PTPN9: variants seen among roughly 807,000 people sequenced by gnomAD.
PTPN9 encodes the protein tyrosine-protein phosphatase non-receptor type 9.
A neutral mutation model predicts 69.8 loss-of-function variants in PTPN9; 26 were observed. The ratio of observed to expected loss-of-function variants is 0.37; its 90% CI spans 0.27 to 0.52. The LOEUF (loss-of-function observed/expected upper bound fraction) is 0.52, where lower values mean the gene tolerates loss of function less well. Among genes scored for constraint, PTPN9 ranks in the 20% least tolerant of loss-of-function variants. The probability of loss-of-function intolerance (pLI) is 0.91; values close to 1 mark genes in which losing one functional copy is unlikely to be tolerated. For synonymous variants in PTPN9, 274 were observed against 272.5 expected, an observed-to-expected ratio of 1.01 and a Z score of -0.05; for missense variants, 549 against 740.3, an observed-to-expected ratio of 0.74 and a Z score of 3.00.
rs778312558 is a variant in PTPN9 at position 75,466,332 on chromosome 15, A to C, written c.*2437T>G. On this transcript the variant is annotated 3_prime_UTR_variant, in exon 13 of 13. Transcript: ENST00000618819. Reference sequence around the variant, plus strand: ...AAGAACACCCCAATATTTCCCAGCCACAACTGCCCCAACTGGGCAGGCCAT... The same window carrying C: ...AAGAACACCCCAATATTTCCCAGCCCCAACTGCCCCAACTGGGCAGGCCAT... 6.6e-6 allele frequency: 1 copy of C among 152,258 alleles called. No homozygotes were observed. Among genetic ancestry groups the C allele is most frequent in the African/African-American group, 2.4e-5 (1 of 41,456 alleles). The allele number at this position is 152,258 out of a possible 1,614,324, so 9.4% of individuals were successfully genotyped here.
intron 1 of PTPN9, among the ~76,000 whole-genome samples, chr15:75,560,236 A>G (rs1408476202): frequency 6.6e-6 from 1 of 152,208 alleles, no homozygotes. Context: ...AGTTTCCGGA[A>G]ATGTCTAATG....
At chr15:75,556,434 G>C (rs2075077735) in intron 1 of PTPN9, among the ~76,000 whole-genome samples, 1 of 151,548 alleles carries the variant, frequency 6.6e-6, no homozygotes, top group Admixed American at 6.6e-5. Flanking sequence ...CTGGAGCGTA[G>C]TGGCACAATC....
chr15:75,481,950 G>C (rs1359912993), intron 8 of PTPN9, among the ~76,000 whole-genome samples: 1 of 146,156 alleles, frequency 6.8e-6, no homozygotes, highest in Non-Finnish European at 1.5e-5. Flanking sequence ...ACCCCGTCTG[G>C]GAGGTGTGCC....
chr15:75,509,227 A>G (rs2074834465), intron 5 of PTPN9, among the ~76,000 whole-genome samples, 200 bp from the exon 6 acceptor site: 1 of 152,210 alleles, frequency 6.6e-6, no homozygotes, highest in African/African-American at 2.4e-5. Flanking sequence ...TAAAAATAAC[A>G]ATGTTAAGTT....
At chr15:75,504,720 G>C (rs1308500642) in intron 7 of PTPN9, among the ~76,000 whole-genome samples, 36 of 144,232 alleles carry the variant, frequency 2.5e-4, no homozygotes, top group African/African-American at 9.0e-4. Flanking sequence ...GGGAGGTGAG[G>C]GGCGCCTCTG....
At chr15:75,572,303 C>A (rs1472367941) in intron 1 of PTPN9, among the ~76,000 whole-genome samples, 2 of 151,634 alleles carry the variant, frequency 1.3e-5, no homozygotes, top group Non-Finnish European at 2.9e-5. Context: ...CTGCCCACAG[C>A]CTGGGCAACA....
chr15:75,528,239 C>T (rs1219840742), intron 1 of PTPN9, among the ~76,000 whole-genome samples: 1 of 151,966 alleles, frequency 6.6e-6, no homozygotes, highest in East Asian at 1.9e-4. Flanking sequence ...GGCAAGATGC[C>T]TGCTTCCAGA....
intron 7 of PTPN9, among the ~76,000 whole-genome samples, chr15:75,504,292 CG>C (rs2074799831): frequency 8.0e-6 from 1 of 125,724 alleles, no homozygotes; most frequent in East Asian, 2.6e-4. Context: ...CCGCCCCGTC[CG>C]GGAGGTGAGG....
intron 1 of PTPN9, among the ~76,000 whole-genome samples, chr15:75,576,242 G>T (rs1205264893): frequency 6.6e-6 from 1 of 150,844 alleles, no homozygotes; most frequent in Non-Finnish European, 1.5e-5. Context: ...AAACAAAAGG[G>T]TACTTCTGGC....
intron 5 of PTPN9, among the ~76,000 whole-genome samples, chr15:75,514,526 C>A (rs2074860061): frequency 6.6e-6 from 1 of 152,138 alleles, no homozygotes; most frequent in South Asian, 2.1e-4. Flanking sequence ...TTGCAGTGAG[C>A]CAAGATCGTG....
chr15:75,544,711 T>G (rs1436694750), intron 1 of PTPN9, among the ~76,000 whole-genome samples: 1 of 151,862 alleles, frequency 6.6e-6, no homozygotes, highest in Non-Finnish European at 1.5e-5. Flanking sequence ...AAAGAGTGAG[T>G]GAACCACACA....
At chr15:75,482,422 G>A (rs1421236865) in intron 8 of PTPN9, among the ~76,000 whole-genome samples, 4 of 152,020 alleles carry the variant, frequency 2.6e-5, no homozygotes, top group African/African-American at 9.7e-5. Flanking sequence ...AAGATTAGCC[G>A]GGCGTGGTGG....
Position 75,484,715 on chromosome 15 carries a change from A to G in PTPN9, c.1063-4801T>C, listed in dbSNP as rs78701064. ...TGAAGGGTTACAGAAGGACAAAAGA[A>G]AAGTTTCAATAGCAAACTAGGGAAA... On this transcript the variant is annotated intron_variant, in intron 8 of 12. Coordinates refer to ENST00000618819, the MANE Select transcript of PTPN9 (RefSeq NM_002833.4). Among the ~76,000 whole-genome samples, 834 of 152,320 alleles carry G rather than the reference A, an allele frequency of 5.5e-3. 9 individuals are homozygous for G. Among genetic ancestry groups the G allele is most frequent in the African/African-American group, 0.019 (788 of 41,574 alleles).
intron 1 of PTPN9, among the ~76,000 whole-genome samples, chr15:75,576,806 T>A (rs1287032080): frequency 1.3e-5 from 2 of 151,414 alleles, no homozygotes; most frequent in African/African-American, 2.4e-5. Flanking sequence ...AGGCTCTGTC[T>A]CAAAAAAACA....
chr15:75,527,202 C>T lies in PTPN9; in HGVS notation c.123G>A (p.Pro41=), dbSNP rs764950287. The T allele has an allele frequency of 1.4e-5, 23 of 1,613,936 alleles. No individual in the cohort carries two copies. Among genetic ancestry groups the T allele is most frequent in the Middle Eastern group, 1.6e-4 (1 of 6,084 alleles). ...ACTTGACAGCCACATTCCAAGACAG[C>T]GGGGAAACATTGTACTGAACTGTCC... ...NKWTVQYNVS[P]LSWNVAVKFL... Residue 41 remains proline (P), a synonymous_variant, in exon 2 of 13, where the codon CCG becomes CCA. Coordinates refer to ENST00000618819, the MANE Select transcript of PTPN9 (RefSeq NM_002833.4).
chr15:75,484,289 G>A (rs1220283289), intron 8 of PTPN9, among the ~76,000 whole-genome samples: 1 of 152,120 alleles, frequency 6.6e-6, no homozygotes, highest in Non-Finnish European at 1.5e-5. Flanking sequence ...CCAAATGAGA[G>A]GCAAGGCAAG....
At chr15:75,562,411 G>A (rs981891254) in intron 1 of PTPN9, among the ~76,000 whole-genome samples, 3 of 152,168 alleles carry the variant, frequency 2.0e-5, no homozygotes, top group Non-Finnish European at 2.9e-5. Flanking sequence ...TCTCTGGGGT[G>A]TGTGTGTCAT....
At chr15:75,485,743 G>A (rs1246791377) in intron 8 of PTPN9, among the ~76,000 whole-genome samples, 2 of 151,606 alleles carry the variant, frequency 1.3e-5, no homozygotes, top group East Asian at 1.9e-4. Context: ...TGGTCTCTGA[G>A]CTGATTTTTA....
chr15:75,504,128 GGGA>G (rs2074797092), intron 7 of PTPN9, among the ~76,000 whole-genome samples: 2 of 124,254 alleles, frequency 1.6e-5, no homozygotes, highest in African/African-American at 3.1e-5. Context: ...GAGGGAGGTG[GGGA>G]GGTCAGCCCC....
Sources: allele counts gnomAD v4.1 joint callset (sites outside exome capture counted in the v4.1 genomes callset), GRCh38; gene constraint gnomAD v4.1.1; transcripts MANE v1.5; gene names NCBI Gene and HGNC (gene_info 2026-07-23, HGNC 2026-07-21).